Variants in CMSS1 observed in about 807,000 individuals in gnomAD.
CMSS1 encodes protein CMSS1.
Under a neutral mutation model 43.5 loss-of-function variants are expected in CMSS1, and 33 were observed. The observed-to-expected ratio is 0.76, with a 90% confidence interval of 0.57 to 1.01. The LOEUF is 1.01. Among genes scored for constraint, CMSS1 ranks in the 50% least tolerant of loss-of-function variants. CMSS1 has a pLI of 0.00. For missense variants in CMSS1, 313 were observed against 326.4 expected, an observed-to-expected ratio of 0.96 and a Z score of 0.32; for synonymous variants, 115 against 117.2, an observed-to-expected ratio of 0.98 and a Z score of 0.12.
At chr3:99,826,025 C>CT (rs1240036852) in intron 1 of CMSS1, among the ~76,000 whole-genome samples, 1 of 152,040 alleles carries the variant, frequency 6.6e-6, no homozygotes, top group Non-Finnish European at 1.5e-5. Context: ...ATCCGCCTGC[C>CT]TCCGCCTCCC....
At chr3:100,151,615 G>A (rs754054997) in intron 2 of CMSS1, among the ~76,000 whole-genome samples, 1 of 152,124 alleles carries the variant, frequency 6.6e-6, no homozygotes, top group Non-Finnish European at 1.5e-5. Context: ...TTGACACCTC[G>A]TCACTTCTGC....
At chr3:100,055,376 G>C (rs1440852789) in intron 1 of CMSS1, among the ~76,000 whole-genome samples, 1 of 152,142 alleles carries the variant, frequency 6.6e-6, no homozygotes, top group Non-Finnish European at 1.5e-5. Context: ...CAAGGTGACT[G>C]TATGATCCAC....
intron 1 of CMSS1, among the ~76,000 whole-genome samples, chr3:99,989,251 C>G (rs1041569616): frequency 2.0e-5 from 3 of 152,144 alleles, no homozygotes; most frequent in Non-Finnish European, 4.4e-5. Context: ...CTGATTCCTG[C>G]TTTATATGCT....
intron 1 of CMSS1, among the ~76,000 whole-genome samples, chr3:99,996,503 G>A (rs1323660358): frequency 2.0e-5 from 3 of 152,014 alleles, no homozygotes; most frequent in South Asian, 4.2e-4. Context: ...CCACATTTTC[G>A]GGTATCTTTT....
At chr3:100,056,936 G>A (rs532729111) in intron 1 of CMSS1, among the ~76,000 whole-genome samples, 89 of 152,168 alleles carry the variant, frequency 5.8e-4, no homozygotes, top group African/African-American at 2.1e-3. Context: ...CCTGGGAGGC[G>A]GAGCTTGCAG....
At chr3:99,967,042 G>C (rs1425217983) in intron 1 of CMSS1, among the ~76,000 whole-genome samples, 1 of 152,168 alleles carries the variant, frequency 6.6e-6, no homozygotes, top group Non-Finnish European at 1.5e-5. Flanking sequence ...AATGATAAGA[G>C]AGGGAAAGGA....
chr3:100,166,078 C>T (rs2067063317), intron 4 of CMSS1, among the ~76,000 whole-genome samples: 1 of 152,168 alleles, frequency 6.6e-6, no homozygotes, highest in Admixed American at 6.5e-5. Flanking sequence ...AAAGTTGCTT[C>T]ATAAATCTGC....
rs566246966 is a variant in CMSS1 at position 99,848,850 on chromosome 3, T to G, written c.64+30807T>G. 82 of 1,614,120 alleles carry G rather than the reference T, an allele frequency of 5.1e-5. 1 individual carries two copies. Among genetic ancestry groups the G allele is most frequent in the Non-Finnish European group, 6.7e-5 (79 of 1,180,006 alleles). ...TTTGGAGGATGGTTATCCTTTGCTT[T>G]GGCGTGCCACAGTTCGGTATCACTG... On this transcript the variant is annotated intron_variant, in intron 1 of 9. Coordinates refer to ENST00000421999, the MANE Select transcript of CMSS1 (RefSeq NM_032359.4).
chr3:99,892,656 A>G (rs1706120913), intron 1 of CMSS1, among the ~76,000 whole-genome samples: 1 of 152,048 alleles, frequency 6.6e-6, no homozygotes, highest in Admixed American at 6.5e-5. Context: ...AGAAGGTGCC[A>G]TCTCTTCTGG....
intron 1 of CMSS1, among the ~76,000 whole-genome samples, chr3:100,137,507 TA>T (rs2066765531): frequency 6.6e-6 from 1 of 151,774 alleles, no homozygotes. Context: ...AAGATGTTAA[TA>T]TACATACACC....
At chr3:100,110,175 A>G (rs1447872920) in intron 1 of CMSS1, 1 of 152,098 alleles carries the variant, frequency 6.6e-6, no homozygotes, top group Non-Finnish European at 1.5e-5. Flanking sequence ...CTTAGAATCT[A>G]AAACTGGAGG....
intron 1 of CMSS1, among the ~76,000 whole-genome samples, chr3:100,035,691 TA>T (rs1366233396): frequency 2.0e-5 from 3 of 152,248 alleles, no homozygotes; most frequent in Non-Finnish European, 4.4e-5. Flanking sequence ...CATTCTGATA[TA>T]GGGGTATTTC....
At chr3:99,840,370 C>G (rs1212665538) in intron 1 of CMSS1, among the ~76,000 whole-genome samples, 1 of 151,730 alleles carries the variant, frequency 6.6e-6, no homozygotes, top group Non-Finnish European at 1.5e-5. Flanking sequence ...ATTACAGGTG[C>G]CCACCACCAT....
At chr3:99,958,240 A>G (rs1441796748) in intron 1 of CMSS1, among the ~76,000 whole-genome samples, 3 of 142,902 alleles carry the variant, frequency 2.1e-5, no homozygotes, top group Non-Finnish European at 4.6e-5. Flanking sequence ...TATTATTATT[A>G]TTATTATTAT....
intron 1 of CMSS1, among the ~76,000 whole-genome samples, chr3:99,885,462 T>C (rs1363454939): frequency 2.0e-5 from 3 of 152,256 alleles, no homozygotes; most frequent in Non-Finnish European, 2.9e-5. Context: ...TTACATTTTA[T>C]TGTCGTGCCC....
chr3:100,032,584 T>C (rs1413749503), intron 1 of CMSS1, among the ~76,000 whole-genome samples: 1 of 152,222 alleles, frequency 6.6e-6, no homozygotes, highest in Non-Finnish European at 1.5e-5. Context: ...ATGCATTTTG[T>C]ATCACAAGAA....
intron 1 of CMSS1, among the ~76,000 whole-genome samples, chr3:100,045,758 G>A (rs1189653887): frequency 6.6e-6 from 1 of 152,204 alleles, no homozygotes; most frequent in South Asian, 2.1e-4. Context: ...CGGCAGCTTT[G>A]CTGTGAATGT....
intron 1 of CMSS1, among the ~76,000 whole-genome samples, chr3:99,884,074 G>C (rs558424125): frequency 6.6e-6 from 1 of 152,252 alleles, no homozygotes; most frequent in South Asian, 2.1e-4. Context: ...AGTGAGAATG[G>C]ATCTTGGAGA....
At chr3:99,997,437 ACAAAT>A in intron 1 of CMSS1, among the ~76,000 whole-genome samples, 1 of 152,350 alleles carries the variant, frequency 6.6e-6, no homozygotes, top group Middle Eastern at 3.4e-3. Context: ...CCATTAAGTG[ACAAAT>A]CCAGATTTTG....
Sources: allele counts gnomAD v4.1 joint callset (sites outside exome capture counted in the v4.1 genomes callset), GRCh38; gene constraint gnomAD v4.1.1; transcripts MANE v1.5; gene names NCBI Gene and HGNC (gene_info 2026-07-23, HGNC 2026-07-21).